Variants in LAMA3 observed in about 807,000 individuals in gnomAD.
LAMA3 encodes laminin subunit alpha 3, also known as laminin subunit alpha-3.
Under a neutral mutation model 402.0 loss-of-function variants are expected in LAMA3, and 281 were observed. The ratio of observed to expected loss-of-function variants is 0.70; its 90% CI spans 0.63 to 0.77. The LOEUF is 0.77. Among genes scored for constraint, LAMA3 ranks in the 30% least tolerant of loss-of-function variants. The probability of loss-of-function intolerance (pLI) is 0.00; values close to 1 mark genes in which losing one functional copy is unlikely to be tolerated. For missense variants in LAMA3, 3,840 were observed against 4,215.5 expected (o/e 0.91, Z 2.47); for synonymous variants, 1,431 against 1,558.4 (o/e 0.92, Z 1.93).
intron 32 of LAMA3, among the ~76,000 whole-genome samples, chr18:23,855,339 G>A (rs368663882): frequency 1.3e-5 from 2 of 152,166 alleles, no homozygotes; most frequent in African/African-American, 2.4e-5. Context: ...AGCCTACGTC[G>A]GGCCATCTCC....
chr18:23,838,010 A>T (rs1374001840), intron 25 of LAMA3, among the ~76,000 whole-genome samples: 1 of 152,168 alleles, frequency 6.6e-6, no homozygotes, highest in Admixed American at 6.5e-5. Context: ...ATTATAATGG[A>T]GCTGAATCTT....
intron 38 of LAMA3, 127 bp downstream of exon 38, chr18:23,871,788 G>T (rs1005781786): frequency 6.6e-6 from 5 of 754,462 alleles, no homozygotes; most frequent in Admixed American, 6.2e-5. Context: ...TTTCTGCAGG[G>T]CTTATCTTAT....
intron 2 of LAMA3, among the ~76,000 whole-genome samples, chr18:23,741,132 A>G (rs1322590369): frequency 6.6e-6 from 1 of 150,408 alleles, no homozygotes; most frequent in Non-Finnish European, 1.5e-5. Flanking sequence ...TTTTTTTTGT[A>G]TTTTTTTTAG....
chr18:23,777,685 C>T, intron 11 of LAMA3, 66 bp downstream of exon 11: 4 of 1,174,890 alleles, frequency 3.4e-6, no homozygotes, highest in Non-Finnish European at 5.1e-6. Flanking sequence ...TTCCTACTTC[C>T]TGTGTGCACT....
At chr18:23,915,137 G>A in intron 58 of LAMA3, 152 bp from the exon 59 acceptor site, 1 of 878,768 alleles carries the variant, frequency 1.1e-6, no homozygotes, top group Non-Finnish European at 1.8e-6. Context: ...CAGTCATACA[G>A]CTAGTAAATA....
chr18:23,844,163 T>C (rs1227888017), intron 29 of LAMA3, among the ~76,000 whole-genome samples: 3 of 152,204 alleles, frequency 2.0e-5, no homozygotes, highest in Admixed American at 1.3e-4. Context: ...TTGAATATCA[T>C]GAGAGTAATA....
chr18:23,941,397 A>G (rs927955609), intron 68 of LAMA3, among the ~76,000 whole-genome samples: 3 of 146,210 alleles, frequency 2.1e-5, no homozygotes, highest in African/African-American at 5.0e-5. Context: ...TAACGATTCA[A>G]CCCCTGTGCC....
At chr18:23,713,366 G>A (rs1045219468) in intron 1 of LAMA3, among the ~76,000 whole-genome samples, 5 of 152,162 alleles carry the variant, frequency 3.3e-5, no homozygotes, top group Non-Finnish European at 7.3e-5. Context: ...GTCCTCCCAG[G>A]CACTGGACAT....
At chr18:23,699,052 G>GAGAGAGAGAA (rs2060742204) in intron 1 of LAMA3, among the ~76,000 whole-genome samples, 4 of 149,160 alleles carry the variant, frequency 2.7e-5, no homozygotes, top group African/African-American at 9.8e-5. Flanking sequence ...GAGAGAGAGA[G>GAGAGAGAGAA]AGAAAGAAAA....
intron 35 of LAMA3, among the ~76,000 whole-genome samples, chr18:23,862,133 G>A (rs754961155): frequency 2.0e-5 from 3 of 152,212 alleles, no homozygotes; most frequent in Non-Finnish European, 2.9e-5. Context: ...TGGGACATGC[G>A]TGCTTTTAAA....
At chr18:23,822,102 G>T in intron 19 of LAMA3, 150 bp from the exon 20 acceptor site, 1 of 768,026 alleles carries the variant, frequency 1.3e-6, no homozygotes. Context: ...GTTACTCGGT[G>T]CTCGTTGACT....
In LAMA3 at chr18:23,746,410, C is replaced by T. The variant is rs113638125; in HGVS notation, c.448-1533C>T. ...TTGGGAGGTCTACAAGGCCAGGGGT[C>T]CTCCTTCCTCCATTACAGATCTATG... On this transcript the variant is annotated intron_variant, in intron 2 of 74. Transcript: ENST00000313654. Among the ~76,000 whole-genome samples the T allele has an allele frequency of 1.1e-3, 165 of 152,204 alleles. 1 individual carries two copies. Among genetic ancestry groups the T allele is most frequent in the African/African-American group, 3.6e-3 (149 of 41,538 alleles).
Position 23,815,232 on chromosome 18 carries a change from T to C in LAMA3, c.1933T>C (p.Cys645Arg), listed in dbSNP as rs1443617594. 1 of 1,613,764 alleles carries C rather than the reference T, an allele frequency of 6.2e-7. No homozygotes were observed. Among genetic ancestry groups the C allele is most frequent in the Non-Finnish European group, 8.5e-7 (1 of 1,179,892 alleles). Residue 645 changes from cysteine (C) to arginine (R), a missense_variant, in exon 16 of 75, where the codon TGT becomes CGT. Cys to Arg is a radical substitution (Grantham distance 180, BLOSUM62 -3). This residue lies in a region of LAMA3 where 2,109 missense variants were observed against 2,376.0 expected (regional missense o/e 0.89). Coordinates refer to ENST00000313654, the MANE Select transcript of LAMA3 (RefSeq NM_198129.4). ...GGGAACAGTGAGTGGAACTGGAGAGTGTAGGCAGGTAAAGTGGGCTGAGTT... is the reference window on the plus strand; with the variant it reads ...GGGAACAGTGAGTGGAACTGGAGAGCGTAGGCAGGTAAAGTGGGCTGAGTT... ...KAGTVSGTGE[C>R]RQGDGDCHCK...
intron 49 of LAMA3, among the ~76,000 whole-genome samples, chr18:23,903,339 G>T (rs1001143920): frequency 6.6e-6 from 1 of 152,014 alleles, no homozygotes; most frequent in Admixed American, 6.6e-5. Flanking sequence ...TAATTTGTCC[G>T]CAATGAGCAA....
At chr18:23,782,566 A>G (rs1329708958) in intron 11 of LAMA3, among the ~76,000 whole-genome samples, 1 of 152,162 alleles carries the variant, frequency 6.6e-6, no homozygotes, top group Admixed American at 6.5e-5. Flanking sequence ...TAAATAAATA[A>G]ATAAATAAAA....
At chr18:23,842,804 T>C in intron 29 of LAMA3, 54 bp downstream of exon 29, 1 of 1,605,918 alleles carries the variant, frequency 6.2e-7, no homozygotes, top group Admixed American at 1.7e-5. Flanking sequence ...TGGCTGGCCA[T>C]TCTGGGTGTC....
chr18:23,816,430 G>C lies in LAMA3; in HGVS notation c.2090G>C (p.Ser697Thr), dbSNP rs1426586553. The C allele has an allele frequency of 6.2e-7, 1 of 1,614,096 alleles. No individual in the cohort carries two copies. Among genetic ancestry groups the C allele is most frequent in the Non-Finnish European group, 8.5e-7 (1 of 1,180,014 alleles). The change falls in exon 18 of 75, where the codon AGT becomes ACT. Residue 697 changes from serine to threonine, a missense_variant. Transcript: ENST00000313654. The stretch of plus-strand genomic sequence containing the variant: ...GGTGGGGCATTGTCCTCCATGTGCA[G>C]TGGGCCCTCGGGAGTGTGCCAGTGC... Reference protein sequence around the residue: ...DIGGALSSMCSGPSGVCQCRE... With the variant: ...DIGGALSSMCTGPSGVCQCRE...
In LAMA3 at chr18:23,826,815, A is replaced by C. The variant is rs2063392080; in HGVS notation, c.2669+16A>C. On this transcript the variant is annotated intron_variant, in intron 22 of 74. Transcript: ENST00000313654. ...CCCAAGAAAAGTCAGTGTGGGGCAG[A>C]AGGTGCAGCCGCATCATTGGGGTCC... 1.3e-6 allele frequency: 2 copies of C among 1,503,094 alleles called. No homozygotes were observed. Among genetic ancestry groups the C allele is most frequent in the South Asian group, 2.4e-5 (2 of 83,248 alleles). 93.1% of individuals were successfully genotyped at this position (1,503,094 alleles called of 1,614,324 possible).
chr18:23,795,082 G>A (rs978548554), intron 12 of LAMA3, among the ~76,000 whole-genome samples: 3 of 152,138 alleles, frequency 2.0e-5, no homozygotes, highest in African/African-American at 4.8e-5. Context: ...GTGGAAAAGC[G>A]CAGCTCCAAA....
Sources: gnomAD v4.1 joint callset for allele counts (sites outside exome capture counted in the v4.1 genomes callset) on GRCh38, gnomAD v4.1.1 for gene constraint, gnomAD v4.1.1 regional missense constraint, MANE v1.5 for transcripts, NCBI Gene and HGNC (gene_info 2026-07-23, HGNC 2026-07-21) for gene names.